CORO1C: variants seen among roughly 807,000 people sequenced by gnomAD.
The protein encoded by CORO1C is coronin-1C.
In CORO1C, 14 loss-of-function variants were observed where a neutral mutation model predicts 51.2. That is an observed-to-expected ratio of 0.27 (90% confidence interval 0.18 to 0.43). The LOEUF (loss-of-function observed/expected upper bound fraction) is 0.43. Ranked by LOEUF, CORO1C falls within the 20% of genes least tolerant of loss-of-function variation. CORO1C has a pLI of 1.00. For missense variants in CORO1C, 417 were observed against 607.8 expected (o/e 0.69, Z 3.30); for synonymous variants, 181 against 210.5 (o/e 0.86, Z 1.21).
chr12:108,724,644 A>C (rs971852304), intron 1 of CORO1C, among the ~76,000 whole-genome samples: 1 of 152,210 alleles, frequency 6.6e-6, no homozygotes. Flanking sequence ...TCCCAAAATA[A>C]TATATCCTTT....
intron 2 of CORO1C, among the ~76,000 whole-genome samples, chr12:108,687,820 G>GA (rs1174220506): frequency 5.3e-5 from 8 of 151,310 alleles, no homozygotes; most frequent in Admixed American, 5.3e-4. Flanking sequence ...ATTAAAAAAA[G>GA]AAAAAAGAAG....
At chr12:108,649,258 G>T in intron 8 of CORO1C, 1 of 575,380 alleles carries the variant, frequency 1.7e-6, no homozygotes, top group Admixed American at 3.1e-5. Flanking sequence ...ACCATGAGTA[G>T]AGGTCTACGT....
chr12:108,669,836 C>A (rs2136822698), intron 3 of CORO1C, among the ~76,000 whole-genome samples: 1 of 152,232 alleles, frequency 6.6e-6, no homozygotes, highest in South Asian at 2.1e-4. Context: ...ACTTTCATTT[C>A]AACTGCTAAG....
intron 3 of CORO1C, among the ~76,000 whole-genome samples, chr12:108,670,487 G>A (rs2033676009): frequency 6.6e-6 from 1 of 152,172 alleles, no homozygotes; most frequent in Non-Finnish European, 1.5e-5. Context: ...AATTTCAGCA[G>A]GATAGCAGTA....
chr12:108,692,586 A>G (rs1592913340), intron 2 of CORO1C, among the ~76,000 whole-genome samples: 1 of 152,332 alleles, frequency 6.6e-6, no homozygotes, highest in East Asian at 1.9e-4. Flanking sequence ...CCTGGCACTT[A>G]AAGGAAGCCC....
In CORO1C at chr12:108,701,267, C is replaced by A; in HGVS notation, c.52G>T (p.Val18Leu). Residue 18 changes from valine to leucine, a missense_variant, in exon 2 of 11, where the codon GTG (valine) becomes TTG (leucine). By Grantham distance (32) the Val-to-Leu change is conservative. Transcript: ENST00000261401. ...TCATCATAGCACTGGTCATTTTTCACCGCTTGCCCAAATACATGCCGAAAC... is the reference window on the plus strand; with the variant it reads ...TCATCATAGCACTGGTCATTTTTCAACGCTTGCCCAAATACATGCCGAAAC... ...SKFRHVFGQA[V>L]KNDQCYDDIR... The A allele has an allele frequency of 6.2e-7, 1 of 1,614,186 alleles. No homozygotes were observed. Among genetic ancestry groups the A allele is most frequent in the Non-Finnish European group, 8.5e-7 (1 of 1,180,038 alleles).
At chr12:108,706,203 AAC>A (rs1491235000) in intron 1 of CORO1C, among the ~76,000 whole-genome samples, 10 of 151,694 alleles carry the variant, frequency 6.6e-5, no homozygotes, top group South Asian at 2.1e-4. Flanking sequence ...AAACAAAAAA[AAC>A]AAAAAAAAAG....
At chr12:108,647,837 G>T (rs553938120) in intron 10 of CORO1C, among the ~76,000 whole-genome samples, 4 of 152,132 alleles carry the variant, frequency 2.6e-5, no homozygotes, top group Non-Finnish European at 5.9e-5. Context: ...GACAAAACAG[G>T]CTCCTTCAAC....
At chr12:108,671,317 C>T (rs968558365) in intron 3 of CORO1C, among the ~76,000 whole-genome samples, 2 of 151,370 alleles carry the variant, frequency 1.3e-5, no homozygotes, top group African/African-American at 4.9e-5. Flanking sequence ...AGAGCAAGAC[C>T]TTGTCTCAAA....
chr12:108,672,799 G>A (rs1942223022), intron 3 of CORO1C, among the ~76,000 whole-genome samples: 1 of 151,936 alleles, frequency 6.6e-6, no homozygotes, highest in African/African-American at 2.4e-5. Flanking sequence ...TGTTATTACT[G>A]TATCTGTTAC....
chr12:108,660,699 G>A (rs10861956), intron 4 of CORO1C, among the ~76,000 whole-genome samples: 89,839 of 151,996 alleles, frequency 0.59, 27,289 homozygotes, highest in East Asian at 0.99. Flanking sequence ...CTGCTGCCCT[G>A]TATTGAGCCT....
intron 1 of CORO1C, among the ~76,000 whole-genome samples, chr12:108,729,879 C>T (rs894386702): frequency 2.0e-5 from 3 of 152,198 alleles, no homozygotes; most frequent in African/African-American, 7.2e-5. Context: ...ATGTTTCTGT[C>T]TATTCCAGCA....
intron 1 of CORO1C, chr12:108,701,685 A>G: frequency 4.5e-6 from 1 of 220,034 alleles, no homozygotes; most frequent in South Asian, 6.8e-5. Context: ...TACAGATAAG[A>G]AAACTCCAAA....
At chr12:108,663,032 A>G (rs1487769434) in intron 3 of CORO1C, among the ~76,000 whole-genome samples, 1 of 152,264 alleles carries the variant, frequency 6.6e-6, no homozygotes, top group Non-Finnish European at 1.5e-5. Context: ...TAGACATTTC[A>G]AGGAAGACAT....
intron 1 of CORO1C, among the ~76,000 whole-genome samples, chr12:108,715,628 C>T (rs1465302242): frequency 2.0e-5 from 2 of 100,374 alleles, no homozygotes; most frequent in East Asian, 4.7e-4. Context: ...CCTGACCCGC[C>T]TCCTCCCTCC....
At chr12:108,707,793 C>T (rs1161570482) in intron 1 of CORO1C, among the ~76,000 whole-genome samples, 1 of 152,120 alleles carries the variant, frequency 6.6e-6, no homozygotes, top group African/African-American at 2.4e-5. Flanking sequence ...ATAATAAAAA[C>T]ATAGTCCAAT....
chr12:108,660,194 G>A (rs2033196941), intron 4 of CORO1C, among the ~76,000 whole-genome samples: 1 of 152,222 alleles, frequency 6.6e-6, no homozygotes, highest in African/African-American at 2.4e-5. Context: ...GCTCACGCCT[G>A]TAATCCCAGC....
intron 1 of CORO1C, among the ~76,000 whole-genome samples, chr12:108,703,522 G>A (rs373000094): frequency 9.1e-4 from 138 of 152,344 alleles, no homozygotes; most frequent in African/African-American, 3.3e-3. Flanking sequence ...GTAACTGACT[G>A]AAGTGTGAGT....
intron 1 of CORO1C, among the ~76,000 whole-genome samples, chr12:108,708,317 G>A: frequency 6.6e-6 from 1 of 152,088 alleles, no homozygotes. Context: ...AAGGAATGAA[G>A]TACTAATACA....
Sources: gnomAD v4.1 joint callset for allele counts (sites outside exome capture counted in the v4.1 genomes callset) on GRCh38, gnomAD v4.1.1 for gene constraint, MANE v1.5 for transcripts, NCBI Gene and HGNC (gene_info 2026-07-23, HGNC 2026-07-21) for gene names.